The following MAST4 variants were observed in gnomAD, a reference collection of about 807,000 sequenced individuals.
MAST4 encodes microtubule associated serine/threonine kinase family member 4.
Under a neutral mutation model 162.7 loss-of-function variants are expected in MAST4, and 89 were observed. That is an observed-to-expected ratio of 0.55 (90% CI 0.46 to 0.65). The LOEUF (loss-of-function observed/expected upper bound fraction) is 0.65, where lower values mean the gene tolerates loss of function less well. Among genes scored for constraint, MAST4 ranks in the 30% least tolerant of loss-of-function variants. The pLI, the probability that MAST4 is intolerant of heterozygous loss-of-function variation, is 0.00. For missense variants in MAST4, 3,153 were observed against 3,374.0 expected (o/e 0.93, Z 1.62); for synonymous variants, 1,479 against 1,361.1 (o/e 1.09, Z -1.91).
At chr5:66,986,000 C>T (rs1252269788) in intron 4 of MAST4, among the ~76,000 whole-genome samples, 1 of 152,108 alleles carries the variant, frequency 6.6e-6, no homozygotes, top group Non-Finnish European at 1.5e-5. Context: ...AATAATGATC[C>T]CACGGTAGAG....
intron 3 of MAST4, among the ~76,000 whole-genome samples, chr5:66,813,260 G>T (rs887020464): frequency 2.0e-5 from 3 of 152,070 alleles, no homozygotes; most frequent in African/African-American, 4.8e-5. Context: ...AATATGTATC[G>T]CAATTATAGA....
At chr5:66,694,147 A>G (rs983559230) in intron 1 of MAST4, among the ~76,000 whole-genome samples, 1 of 152,206 alleles carries the variant, frequency 6.6e-6, no homozygotes, top group Non-Finnish European at 1.5e-5. Context: ...AATAAGTTAC[A>G]TGGGACCCAC....
chr5:66,917,809 T>C (rs1764219163), intron 4 of MAST4, among the ~76,000 whole-genome samples: 1 of 152,160 alleles, frequency 6.6e-6, no homozygotes, highest in African/African-American at 2.4e-5. Context: ...TAGTGACTTA[T>C]AATTTCTGGT....
intron 1 of MAST4, among the ~76,000 whole-genome samples, chr5:66,682,083 GC>G (rs1162981551): frequency 6.6e-6 from 1 of 152,130 alleles, no homozygotes; most frequent in Admixed American, 6.5e-5. Context: ...AAACACATGT[GC>G]TCCCTGACCT....
At chr5:66,954,784 C>G (rs539799106) in intron 4 of MAST4, among the ~76,000 whole-genome samples, 1 of 151,902 alleles carries the variant, frequency 6.6e-6, no homozygotes, top group African/African-American at 2.4e-5. Flanking sequence ...GCCTGTAGTT[C>G]CAGCTACTCA....
intron 24 of MAST4, among the ~76,000 whole-genome samples, chr5:67,150,297 G>T (rs1443610347): frequency 6.6e-6 from 1 of 152,192 alleles, no homozygotes; most frequent in Admixed American, 6.5e-5. Flanking sequence ...TCACTCAAAT[G>T]ACAGCAAGAG....
intron 18 of MAST4, among the ~76,000 whole-genome samples, chr5:67,135,406 A>G (rs1034225086): frequency 3.3e-5 from 5 of 152,220 alleles, no homozygotes; most frequent in Admixed American, 6.5e-5. Flanking sequence ...TACATCAGAA[A>G]GGCCTCTCAT....
chr5:66,924,547 C>G (rs1337989562), intron 4 of MAST4, among the ~76,000 whole-genome samples: 2 of 151,942 alleles, frequency 1.3e-5, no homozygotes, highest in African/African-American at 4.8e-5. Context: ...GCGTCCGCCA[C>G]CGCGTCCACC....
chr5:67,091,964 A>T (rs1295182), intron 6 of MAST4, among the ~76,000 whole-genome samples: 61,048 of 152,072 alleles, frequency 0.4, 14,700 homozygotes, highest in East Asian at 0.65. Flanking sequence ...AGTGATCATC[A>T]TTTTAAATTG....
At chr5:66,780,423 GGAGTTTATTCCTTCAGATATGTCCA>G (rs1451396689) in intron 2 of MAST4, among the ~76,000 whole-genome samples, 2 of 152,138 alleles carry the variant, frequency 1.3e-5, no homozygotes, top group Admixed American at 1.3e-4. Context: ...TGGTGTGTCC[GGAGTTTATTCCTTCAGATATGTCCA>G]GAGTTTCTTC....
At chr5:66,803,473 C>A (rs181116292) in intron 3 of MAST4, among the ~76,000 whole-genome samples, 1 of 151,418 alleles carries the variant, frequency 6.6e-6, no homozygotes, top group Non-Finnish European at 1.5e-5. Context: ...GGGAAATTGA[C>A]ATTTTTATTA....
At chr5:66,920,065 C>T (rs1040196281) in intron 4 of MAST4, among the ~76,000 whole-genome samples, 1 of 151,168 alleles carries the variant, frequency 6.6e-6, no homozygotes, top group East Asian at 2.0e-4. Flanking sequence ...ATTGAGGTAA[C>T]TTCTGCTGGC....
intron 4 of MAST4, among the ~76,000 whole-genome samples, chr5:67,043,268 A>G (rs183090387): frequency 3.3e-4 from 50 of 152,342 alleles, no homozygotes; most frequent in Non-Finnish European, 5.6e-4. Flanking sequence ...TAATTTCTGT[A>G]TAGAGAAGGC....
chr5:66,624,245 C>G (rs148113520), intron 1 of MAST4, among the ~76,000 whole-genome samples: 1 of 147,288 alleles, frequency 6.8e-6, no homozygotes, highest in Non-Finnish European at 1.5e-5. Flanking sequence ...CTCTGCCTCC[C>G]GGTTTCATGC....
At chr5:66,734,750 T>C (rs1462722569) in intron 1 of MAST4, among the ~76,000 whole-genome samples, 3 of 152,198 alleles carry the variant, frequency 2.0e-5, no homozygotes, top group African/African-American at 7.2e-5. Flanking sequence ...TTAAATTAAA[T>C]CTAAATAGCC....
chr5:66,759,766 G>A lies in MAST4; in HGVS notation c.421G>A (p.Val141Met). The change falls in exon 2 of 29, where the codon GTG (valine) becomes ATG (methionine). Residue 141 changes from valine (V) to methionine (M), a missense_variant. Physicochemically the swap from Val to Met is conservative, Grantham distance 21. Coordinates refer to ENST00000403625, the MANE Select transcript of MAST4 (RefSeq NM_001164664.2). ...GTTTCGGAAATGCAGCAACCCAGAT[G>A]TGGCTTCTGGCCCTGGAAAATCACT... ...MPFRKCSNPD[V>M]ASGPGKSLKY... 1 of 1,613,972 alleles carries A rather than the reference G, an allele frequency of 6.2e-7. No individual in the cohort carries two copies. The highest frequency in any genetic ancestry group is 2.2e-5 in the East Asian group (1 of 44,888).
chr5:66,749,740 A>G (rs981742925), intron 1 of MAST4, among the ~76,000 whole-genome samples: 4 of 152,222 alleles, frequency 2.6e-5, no homozygotes, highest in African/African-American at 9.6e-5. Context: ...TGTTACTAAC[A>G]TCTCATGGTT....
chr5:66,973,072 A>G (rs1747650182), intron 4 of MAST4, among the ~76,000 whole-genome samples: 1 of 152,058 alleles, frequency 6.6e-6, no homozygotes, highest in East Asian at 1.9e-4. Flanking sequence ...CTTCTCTCTT[A>G]GCCCCTAGAT....
chr5:67,111,328 A>G (rs1327651361), intron 11 of MAST4, among the ~76,000 whole-genome samples: 1 of 152,214 alleles, frequency 6.6e-6, no homozygotes, highest in Non-Finnish European at 1.5e-5. Context: ...CCCTTATTTT[A>G]ACTACCATCC....
Sources: allele counts gnomAD v4.1 joint callset (sites outside exome capture counted in the v4.1 genomes callset), GRCh38; gene constraint gnomAD v4.1.1; transcripts MANE v1.5; gene names NCBI Gene and HGNC (gene_info 2026-07-23, HGNC 2026-07-21).